HMCN1: variants seen among roughly 807,000 people sequenced by gnomAD.
HMCN1 encodes the protein hemicentin 1.
In HMCN1, 321 loss-of-function variants were observed where a neutral mutation model predicts 625.9. The observed-to-expected ratio is 0.51, with a 90% CI of 0.47 to 0.56. The LOEUF is 0.56. Ranked by LOEUF, HMCN1 falls within the 20% of genes least tolerant of loss-of-function variation. The probability of loss-of-function intolerance (pLI) is 0.00; values close to 1 mark genes in which losing one functional copy is unlikely to be tolerated. For synonymous variants in HMCN1, 2,425 were observed against 2,417.6 expected, an observed-to-expected ratio of 1.00 and a Z score of -0.09; for missense variants, 6,588 against 6,887.3, an observed-to-expected ratio of 0.96 and a Z score of 1.54.
intron 2 of HMCN1, among the ~76,000 whole-genome samples, chr1:185,849,064 C>G (rs779670679): frequency 9.9e-5 from 15 of 152,102 alleles, no homozygotes; most frequent in Admixed American, 9.8e-4. Context: ...TTACCCACAC[C>G]TCATCAAATT....
Position 186,114,091 on chromosome 1 carries a change from G to T in HMCN1, c.11244G>T (p.Lys3748Asn). The change falls in exon 73 of 107, where the codon AAG becomes AAT. Residue 3748 changes from lysine (K) to asparagine (N), a missense_variant. By Grantham distance (94) the Lys-to-Asn change is moderately conservative. This residue lies in a region of HMCN1 where 4,628 missense variants were observed against 4,853.1 expected (regional missense o/e 0.95). Coordinates refer to ENST00000271588, the MANE Select transcript of HMCN1 (RefSeq NM_031935.3). ...GVPTPRITWR[K>N]DGAVLAGNHA... ...CAACTCCAAGGATAACATGGAGAAA[G>T]GATGGAGCTGTTCTAGCTGGGAATC... is the stretch of plus-strand genomic sequence containing the variant. The T allele has an allele frequency of 6.2e-7, 1 of 1,614,106 alleles. No individual in the cohort carries two copies. Among genetic ancestry groups the T allele is most frequent in the South Asian group, 1.1e-5 (1 of 91,076 alleles).
intron 46 of HMCN1, among the ~76,000 whole-genome samples, chr1:186,058,966 TACTTA>T (rs1279680848): frequency 6.6e-6 from 1 of 152,062 alleles, no homozygotes; most frequent in Non-Finnish European, 1.5e-5. Context: ...TCAGACTAGT[TACTTA>T]ACTTTGCTAA....
intron 81 of HMCN1, among the ~76,000 whole-genome samples, chr1:186,124,029 C>G (rs545616904): frequency 6.6e-6 from 1 of 152,174 alleles, no homozygotes; most frequent in Non-Finnish European, 1.5e-5. Flanking sequence ...CCAAATAACT[C>G]CCCTGCTTTC....
intron 36 of HMCN1, among the ~76,000 whole-genome samples, chr1:186,032,448 T>C (rs1017494620): frequency 6.6e-5 from 10 of 152,100 alleles, no homozygotes; most frequent in Non-Finnish European, 1.2e-4. Flanking sequence ...CCATAATATC[T>C]ATGTGTTGTG....
chr1:186,039,410 G>GCGCACACACACA (rs1553279725), intron 38 of HMCN1, among the ~76,000 whole-genome samples: 3 of 148,016 alleles, frequency 2.0e-5, no homozygotes, highest in African/African-American at 7.4e-5. Flanking sequence ...GTGTTCATGT[G>GCGCACACACACA]CACACACACA....
intron 18 of HMCN1, among the ~76,000 whole-genome samples, chr1:185,982,941 G>T (rs913191043): frequency 6.6e-6 from 1 of 152,050 alleles, no homozygotes; most frequent in South Asian, 2.1e-4. Flanking sequence ...ATTAAATTCA[G>T]TGTCACTAGT....
chr1:185,886,315 T>C (rs926443634), intron 4 of HMCN1, among the ~76,000 whole-genome samples: 3 of 152,070 alleles, frequency 2.0e-5, no homozygotes, highest in Non-Finnish European at 4.4e-5. Context: ...CTAATAGTCA[T>C]GTATAATTTA....
chr1:185,970,537 A>G lies in HMCN1; in HGVS notation c.2371+44A>G, dbSNP rs138265384. Reference sequence around the variant, plus strand: ...TAGGCCAATTTGTTTAGAAATTGATATGTTATTTTTCATGTTTAATAACCT... The same window carrying G: ...TAGGCCAATTTGTTTAGAAATTGATGTGTTATTTTTCATGTTTAATAACCT... On this transcript the variant is annotated intron_variant, in intron 15 of 106. Coordinates refer to ENST00000271588, the MANE Select transcript of HMCN1 (RefSeq NM_031935.3). 154 of 1,520,406 alleles carry G rather than the reference A, an allele frequency of 1.0e-4. No homozygotes were observed. The African/African-American group carries it at 1.9e-3, about 19-fold the overall frequency. 94.2% of individuals were successfully genotyped at this position (1,520,406 alleles called of 1,614,324 possible).
chr1:185,851,305 T>C (rs1662146708), intron 2 of HMCN1, among the ~76,000 whole-genome samples: 1 of 152,116 alleles, frequency 6.6e-6, no homozygotes, highest in East Asian at 1.9e-4. Context: ...CATATTTAAA[T>C]TGGTTTTGAA....
At chr1:185,739,294 G>A (rs149751451) in intron 1 of HMCN1, among the ~76,000 whole-genome samples, 550 of 152,230 alleles carry the variant, frequency 3.6e-3, no homozygotes, top group African/African-American at 0.012. Flanking sequence ...TTGATTCCAT[G>A]TCTTTGCTGG....
At chr1:186,018,017 T>C (rs747834170) in intron 33 of HMCN1, among the ~76,000 whole-genome samples, 166 bp from the exon 34 acceptor site, 1 of 152,064 alleles carries the variant, frequency 6.6e-6, no homozygotes, top group Non-Finnish European at 1.5e-5. Flanking sequence ...ATGCCAGCTC[T>C]GCGTTAGGCC....
chr1:186,105,068 G>A (rs1660550195), intron 69 of HMCN1, among the ~76,000 whole-genome samples: 1 of 152,132 alleles, frequency 6.6e-6, no homozygotes, highest in African/African-American at 2.4e-5. Context: ...CAAGATGAAG[G>A]TGTCATAGAG....
At chr1:186,058,829 G>A (rs1285949685) in intron 46 of HMCN1, among the ~76,000 whole-genome samples, 1 of 151,822 alleles carries the variant, frequency 6.6e-6, no homozygotes, top group Non-Finnish European at 1.5e-5. Context: ...GCTGGAATTA[G>A]GTCTAAAAAA....
rs144500475 is a variant in HMCN1 at position 186,149,106 on chromosome 1, A to G, written c.14609-2094A>G. On this transcript the variant is annotated intron_variant, in intron 93 of 106. Coordinates refer to ENST00000271588, the MANE Select transcript of HMCN1 (RefSeq NM_031935.3). ...TCTTATGGGCCCTAGGATTTTCACA[A>G]TGAGCATTGACCTCAACTTAAAGTC... Among the ~76,000 whole-genome samples the G allele has an allele frequency of 3.8e-4, 58 of 152,292 alleles. 1 individual carries two copies. In the East Asian group the frequency reaches 0.01, roughly 26 times the overall value.
intron 52 of HMCN1, 76 bp from the exon 53 acceptor site, chr1:186,074,663 CAA>C: frequency 7.7e-7 from 1 of 1,298,950 alleles, no homozygotes; most frequent in Non-Finnish European, 1.1e-6. Flanking sequence ...TAAAAAATCA[CAA>C]AAACTATCAA....
chr1:185,851,424 T>A (rs957813907), intron 2 of HMCN1, among the ~76,000 whole-genome samples: 1 of 152,112 alleles, frequency 6.6e-6, no homozygotes, highest in African/African-American at 2.4e-5. Context: ...GAAAAAGCAA[T>A]CTAAAATTTT....
chr1:186,145,284 T>G, intron 91 of HMCN1, 119 bp from the exon 92 acceptor site: 24 of 948,094 alleles, frequency 2.5e-5, no homozygotes, highest in African/African-American at 5.0e-5. Flanking sequence ...TAGACTTGCA[T>G]GTTTTGTTTT....
chr1:185,998,286 C>A (rs868578884), intron 25 of HMCN1, among the ~76,000 whole-genome samples: 7 of 152,248 alleles, frequency 4.6e-5, no homozygotes, highest in South Asian at 4.1e-4. Context: ...TTTGTGCCCC[C>A]ACATGTGCCT....
chr1:186,002,792 T>G (rs1653284786), intron 28 of HMCN1, among the ~76,000 whole-genome samples: 2 of 152,118 alleles, frequency 1.3e-5, no homozygotes, highest in Non-Finnish European at 2.9e-5. Context: ...CTGGTTGCCT[T>G]CCTTGATCCC....
Sources: gnomAD v4.1 joint callset for allele counts (sites outside exome capture counted in the v4.1 genomes callset) on GRCh38, gnomAD v4.1.1 for gene constraint, gnomAD v4.1.1 regional missense constraint, MANE v1.5 for transcripts, NCBI Gene and HGNC (gene_info 2026-07-23, HGNC 2026-07-21) for gene names.